The following AKAP13 variants were observed in gnomAD, a reference collection of about 807,000 sequenced individuals.
The protein encoded by AKAP13 is A-kinase anchoring protein 13, also known as A-kinase anchor protein 13.
In AKAP13, 80 loss-of-function variants were observed where a neutral mutation model predicts 264.5. The ratio of observed to expected loss-of-function variants is 0.30; its 90% CI spans 0.25 to 0.36. The LOEUF (loss-of-function observed/expected upper bound fraction) is 0.36, where lower values mean the gene tolerates loss of function less well. AKAP13 is among the 10% of genes least tolerant of loss of function. The pLI is 1.00. For missense variants in AKAP13, 3,712 were observed against 3,435.2 expected (o/e 1.08, Z -2.01); for synonymous variants, 1,380 against 1,250.2 (o/e 1.10, Z -2.19).
In AKAP13 at chr15:85,530,078, AG is replaced by A. The variant is rs1184813579; in HGVS notation, c.182-3505del. 2.6e-5 allele frequency among the ~76,000 whole-genome samples: 4 copies of A among 152,192 alleles called. No homozygotes were observed. In the East Asian group the frequency reaches 5.8e-4, roughly 22 times the overall value. On this transcript the variant is annotated intron_variant, in intron 3 of 36. Transcript: ENST00000394518. ...TTTAGTTATACACAGAGCTGACAGTAGCTCACACATCCATCCATTCACCTGC... is the reference window on the plus strand; with the variant it reads ...TTTAGTTATACACAGAGCTGACAGTACTCACACATCCATCCATTCACCTGC...
In AKAP13 at chr15:85,582,061, G is replaced by A; in HGVS notation, c.3993G>A (p.Glu1331=). 1 of 1,613,284 alleles carries A rather than the reference G, an allele frequency of 6.2e-7. No individual in the cohort carries two copies. The highest frequency in any genetic ancestry group is 1.7e-5 in the Admixed American group (1 of 59,994). ...CAGGATGTTTTGCTGGAAGGGAGGAGCCAGAGAAGATCATTTTACCTGTCC... is the reference window on the plus strand; with the variant it reads ...CAGGATGTTTTGCTGGAAGGGAGGAACCAGAGAAGATCATTTTACCTGTCC... The part of the protein sequence containing the change: ...SLAGCFAGRE[E]PEKIILPVQG... The change falls in exon 7 of 37, where the codon GAG becomes GAA. Residue 1331 remains glutamate, a synonymous_variant. Transcript: ENST00000394518.
At chr15:85,562,676 CTTTTCTTTTCTTTTCTTTTTTT>C (rs1456131566) in intron 5 of AKAP13, among the ~76,000 whole-genome samples, 1 of 93,584 alleles carries the variant, frequency 1.1e-5, no homozygotes. Context: ...CCTTTTCTTT[CTTTTCTTTTCTTTTCTTTTTTT>C]TTTTTTTTTT....
chr15:85,469,635 C>T (rs2074887328), intron 1 of AKAP13, among the ~76,000 whole-genome samples: 2 of 152,198 alleles, frequency 1.3e-5, no homozygotes, highest in African/African-American at 4.8e-5. Flanking sequence ...TGTTAAGCAG[C>T]ATGCATTAAA....
chr15:85,644,203 A>G (rs996621547), intron 9 of AKAP13, among the ~76,000 whole-genome samples: 6 of 150,672 alleles, frequency 4.0e-5, no homozygotes, highest in Admixed American at 1.3e-4. Context: ...TAACTTGCTT[A>G]CAAAAACAGA....
chr15:85,446,710 C>CTTTTTTTT (rs67306030), intron 1 of AKAP13, among the ~76,000 whole-genome samples: 1 of 124,426 alleles, frequency 8.0e-6, no homozygotes, highest in Non-Finnish European at 1.7e-5. Flanking sequence ...TTTTCTTTTT[C>CTTTTTTTT]TTTTTTTTTT....
At chr15:85,391,486 CTTTT>C (rs759926035) in intron 1 of AKAP13, among the ~76,000 whole-genome samples, 1 of 135,782 alleles carries the variant, frequency 7.4e-6, no homozygotes, top group Non-Finnish European at 1.6e-5. Context: ...CTTTTCTTTT[CTTTT>C]TTTTTTTTTT....
intron 1 of AKAP13, among the ~76,000 whole-genome samples, chr15:85,395,056 A>T (rs1404500154): frequency 6.6e-6 from 1 of 152,218 alleles, no homozygotes; most frequent in Non-Finnish European, 1.5e-5. Flanking sequence ...CTAAGACAGG[A>T]CATGCAAGTT....
At chr15:85,601,140 G>A (rs1054728579) in intron 8 of AKAP13, among the ~76,000 whole-genome samples, 45 of 152,220 alleles carry the variant, frequency 3.0e-4, no homozygotes, top group Non-Finnish European at 2.5e-4. Flanking sequence ...ACATTAATGG[G>A]CACTAATCCG....
At chr15:85,679,939 T>A (rs1389423961) in intron 14 of AKAP13, among the ~76,000 whole-genome samples, 1 of 152,236 alleles carries the variant, frequency 6.6e-6, no homozygotes, top group Non-Finnish European at 1.5e-5. Flanking sequence ...GATTAATTAC[T>A]GTGTTCAGAA....
chr15:85,570,671 C>A (rs528683483), intron 5 of AKAP13, among the ~76,000 whole-genome samples: 10 of 152,262 alleles, frequency 6.6e-5, no homozygotes, highest in African/African-American at 2.4e-4. Flanking sequence ...TTTGTAGGAT[C>A]CCCTCCTACT....
At chr15:85,383,328 G>C (rs1199885248) in intron 1 of AKAP13, among the ~76,000 whole-genome samples, 1 of 152,176 alleles carries the variant, frequency 6.6e-6, no homozygotes, top group African/African-American at 2.4e-5. Context: ...CACTTCCATT[G>C]ACTAGTTGCA....
chr15:85,658,711 C>A (rs899641161), intron 12 of AKAP13, 121 bp downstream of exon 12: 29 of 727,248 alleles, frequency 4.0e-5, no homozygotes, highest in Non-Finnish European at 5.8e-5. Context: ...CCATCTAATT[C>A]AGGCAAATAA....
At chr15:85,587,216 A>G (rs1440487602) in intron 8 of AKAP13, among the ~76,000 whole-genome samples, 1 of 152,152 alleles carries the variant, frequency 6.6e-6, no homozygotes, top group Admixed American at 6.5e-5. Flanking sequence ...CTGTAAATCC[A>G]TAGAGAGATT....
chr15:85,620,139 G>C, intron 8 of AKAP13: 1 of 1,536,106 alleles, frequency 6.5e-7, no homozygotes, highest in Non-Finnish European at 8.7e-7. Context: ...ACATCTCCAA[G>C]GTGGACAGGA....
At chr15:85,701,538 C>G (rs866582615) in intron 17 of AKAP13, among the ~76,000 whole-genome samples, 9 of 152,144 alleles carry the variant, frequency 5.9e-5, no homozygotes, top group Non-Finnish European at 2.9e-5. Context: ...CTCCCAGGTT[C>G]AAGCGATTCT....
intron 1 of AKAP13, among the ~76,000 whole-genome samples, chr15:85,454,933 T>A (rs2074233284): frequency 6.6e-6 from 1 of 152,226 alleles, no homozygotes; most frequent in South Asian, 2.1e-4. Flanking sequence ...TGACAGATTT[T>A]TAGGCACCAA....
Position 85,716,741 on chromosome 15 carries a change from C to T in AKAP13, c.5736-549C>T, listed in dbSNP as rs914676742. Among the ~76,000 whole-genome samples, 63 of 152,158 alleles carry T rather than the reference C, an allele frequency of 4.1e-4. 2 individuals carry two copies. The highest frequency in any genetic ancestry group is 1.5e-3 in the African/African-American group (63 of 41,504). ...TTTTGTCTTTGTATTCTCATTATTT[C>T]CAAAAGTGTACTTTTCAAAAGTTGT... On this transcript the variant is annotated intron_variant, in intron 20 of 36. Coordinates refer to ENST00000394518, the MANE Select transcript of AKAP13 (RefSeq NM_007200.5).
intron 14 of AKAP13, among the ~76,000 whole-genome samples, chr15:85,675,273 TCTTA>T (rs937689489): frequency 6.6e-6 from 1 of 152,230 alleles, no homozygotes; most frequent in Non-Finnish European, 1.5e-5. Context: ...TACAGTAGTA[TCTTA>T]CTTTTGCACA....
chr15:85,745,957 T>C lies in AKAP13; in HGVS notation c.*1280T>C, dbSNP rs567693361. 110 of 152,670 alleles carry C rather than the reference T, an allele frequency of 7.2e-4. 1 individual carries two copies. Among genetic ancestry groups the C allele is most frequent in the South Asian group, 1.9e-3 (9 of 4,836 alleles). The allele number at this position is 152,670 out of a possible 1,614,324, so 9.5% of individuals were successfully genotyped here. ...CAGATGGCTGCCTGCTGCTCGGCTT[T>C]GCTTTTGCTTTTCCCACCGTGTTTT... On this transcript the variant is annotated 3_prime_UTR_variant, in exon 37 of 37. Coordinates refer to ENST00000394518, the MANE Select transcript of AKAP13 (RefSeq NM_007200.5).
Sources: gnomAD v4.1 joint callset for allele counts (sites outside exome capture counted in the v4.1 genomes callset) on GRCh38, gnomAD v4.1.1 for gene constraint, MANE v1.5 for transcripts, NCBI Gene and HGNC (gene_info 2026-07-23, HGNC 2026-07-21) for gene names.